The following ZNF540 variants were observed in gnomAD, a reference collection of about 807,000 sequenced individuals.
ZNF540 encodes zinc finger protein 540.
A neutral mutation model predicts 11.8 loss-of-function variants in ZNF540; 3 were observed. The observed-to-expected ratio is 0.25, with a 90% CI of 0.12 to 0.65. The LOEUF is 0.65. Ranked by LOEUF, ZNF540 falls within the 30% of genes least tolerant of loss-of-function variation. ZNF540 has a pLI of 0.83. For missense variants in ZNF540, 709 were observed against 793.1 expected (o/e 0.89, Z 1.27); for synonymous variants, 247 against 259.0 (o/e 0.95, Z 0.45).
intron 1 of ZNF540, among the ~76,000 whole-genome samples, chr19:37,567,383 T>C (rs2042897686): frequency 6.6e-6 from 1 of 152,208 alleles, no homozygotes; most frequent in East Asian, 1.9e-4. Context: ...AACACAAAGT[T>C]TGAGAATAGA....
At chr19:37,566,345 A>G (rs2042859637) in intron 1 of ZNF540, 1 of 1,526,398 alleles carries the variant, frequency 6.6e-7, no homozygotes, top group African/African-American at 1.4e-5. Context: ...GAGAAATAAA[A>G]ATTCTATGGT....
At chr19:37,559,105 C>G (rs117592960) in intron 1 of ZNF540, among the ~76,000 whole-genome samples, 1 of 151,960 alleles carries the variant, frequency 6.6e-6, no homozygotes, top group African/African-American at 2.4e-5. Context: ...TCCCAATATG[C>G]GAGGAATACA....
intron 1 of ZNF540, chr19:37,555,891 T>C: frequency 1.4e-6 from 1 of 700,846 alleles, no homozygotes; most frequent in Non-Finnish European, 2.6e-6. Flanking sequence ...GCACGAGTTA[T>C]GGAATGAAGA....
At chr19:37,562,852 A>C (rs2042733539) in intron 1 of ZNF540, 1 of 152,218 alleles carries the variant, frequency 6.6e-6, no homozygotes, top group Non-Finnish European at 1.5e-5. Context: ...ATATCTGGTA[A>C]TTAACTGTTA....
chr19:37,574,664 C>T (rs1032247228), intron 1 of ZNF540, among the ~76,000 whole-genome samples: 1 of 152,122 alleles, frequency 6.6e-6, no homozygotes, highest in Non-Finnish European at 1.5e-5. Context: ...TTCAACAAAC[C>T]TAAACATAGC....
At chr19:37,588,385 G>T (rs2043755519) in intron 1 of ZNF540, among the ~76,000 whole-genome samples, 1 of 152,110 alleles carries the variant, frequency 6.6e-6, no homozygotes, top group Non-Finnish European at 1.5e-5. Context: ...CTGTAAAAAG[G>T]AACAAAATCA....
chr19:37,608,026 G>A (rs776305047), intron 4 of ZNF540, among the ~76,000 whole-genome samples: 6 of 152,158 alleles, frequency 3.9e-5, no homozygotes, highest in Non-Finnish European at 8.8e-5. Flanking sequence ...GTGGTATCTC[G>A]TTGTTTTTAA....
chr19:37,611,935 A>G lies in ZNF540; in HGVS notation c.655A>G (p.Lys219Glu). ...HTGEKSCKCE[K>E]CGKVFSHSYQ... ...TGGTGAAAAATCCTGTAAATGTGAGAAATGTGGGAAAGTTTTTAGTCATAG... is the reference window on the plus strand; with the variant it reads ...TGGTGAAAAATCCTGTAAATGTGAGGAATGTGGGAAAGTTTTTAGTCATAG... Residue 219 changes from lysine to glutamate, a missense_variant, in exon 5 of 5, where the codon AAA (lysine) becomes GAA (glutamate). Lys to Glu is a moderately conservative substitution (Grantham distance 56). Transcript: ENST00000316433. 6.2e-7 allele frequency: 1 copy of G among 1,613,624 alleles called. No homozygotes were observed. Among genetic ancestry groups the G allele is most frequent in the Non-Finnish European group, 8.5e-7 (1 of 1,179,954 alleles).
chr19:37,565,131 G>T (rs2042804294), intron 1 of ZNF540: 1 of 1,612,672 alleles, frequency 6.2e-7, no homozygotes, highest in South Asian at 1.1e-5. Context: ...TCACTAAGTT[G>T]TTTGCCACAA....
At chr19:37,568,330 T>G (rs542530596) in intron 1 of ZNF540, among the ~76,000 whole-genome samples, 2 of 141,326 alleles carry the variant, frequency 1.4e-5, no homozygotes, top group South Asian at 5.1e-4. Flanking sequence ...CCCCCCCACT[T>G]GCCATATACA....
chr19:37,589,201 A>C (rs2043789856), intron 1 of ZNF540, among the ~76,000 whole-genome samples: 1 of 14,450 alleles, frequency 6.9e-5, no homozygotes, highest in African/African-American at 1.7e-4. Context: ...ACTCCGTCTC[A>C]AAAAAAAAAA....
At chr19:37,568,906 C>T (rs769962041) in intron 1 of ZNF540, among the ~76,000 whole-genome samples, 6 of 151,794 alleles carry the variant, frequency 4.0e-5, no homozygotes, top group Non-Finnish European at 8.8e-5. Context: ...AAGTAGCTCT[C>T]GAATCTGTTA....
At chr19:37,563,526 G>T (rs1430713588) in intron 1 of ZNF540, 1 of 151,508 alleles carries the variant, frequency 6.6e-6, no homozygotes, top group East Asian at 1.9e-4. Flanking sequence ...TATACATATG[G>T]AATATATATA....
Sources: gnomAD v4.1 joint callset for allele counts (sites outside exome capture counted in the v4.1 genomes callset) on GRCh38, gnomAD v4.1.1 for gene constraint, MANE v1.5 for transcripts, NCBI Gene and HGNC (gene_info 2026-07-23, HGNC 2026-07-21) for gene names.